Variants in NTM observed in about 807,000 individuals in gnomAD.
NTM encodes the protein neurotrimin.
A neutral mutation model predicts 42.1 loss-of-function variants in NTM; 13 were observed. The observed-to-expected ratio is 0.31, with a 90% confidence interval of 0.20 to 0.49. The LOEUF is 0.49. Ranked by LOEUF, NTM falls within the 20% of genes least tolerant of loss-of-function variation. The pLI, the probability that NTM is intolerant of heterozygous loss-of-function variation, is 0.99. For synonymous variants in NTM, 187 were observed against 179.2 expected (o/e 1.04, Z -0.35); for missense variants, 373 against 452.8 (o/e 0.82, Z 1.60).
chr11:131,598,846 TTTC>T (rs2060161906), intron 1 of NTM, among the ~76,000 whole-genome samples: 1 of 31,126 alleles, frequency 3.2e-5, no homozygotes, highest in African/African-American at 8.1e-5. Context: ...TCTTTCTTTC[TTTC>T]TTCCTTCCTT....
intron 1 of NTM, among the ~76,000 whole-genome samples, chr11:131,825,626 C>T (rs550406851): frequency 5.6e-4 from 85 of 152,154 alleles, no homozygotes; most frequent in Middle Eastern, 3.4e-3. Flanking sequence ...ACAGTTGCAG[C>T]CATTCGGGTG....
chr11:132,275,205 T>G (rs2093658258), intron 4 of NTM, among the ~76,000 whole-genome samples: 1 of 152,126 alleles, frequency 6.6e-6, no homozygotes, highest in South Asian at 2.1e-4. Context: ...TTTCAGTTAT[T>G]TTTTATATGA....
chr11:131,505,982 G>A (rs2047441002), intron 1 of NTM, among the ~76,000 whole-genome samples: 1 of 152,000 alleles, frequency 6.6e-6, no homozygotes, highest in Non-Finnish European at 1.5e-5. Context: ...TGGTGATTCT[G>A]TTTTGACAAT....
intron 3 of NTM, among the ~76,000 whole-genome samples, chr11:132,168,233 C>T (rs979134526): frequency 1.3e-5 from 2 of 152,212 alleles, no homozygotes; most frequent in Non-Finnish European, 2.9e-5. Context: ...CAGATACTAC[C>T]TCTCAGAAAT....
intron 1 of NTM, among the ~76,000 whole-genome samples, chr11:131,446,805 C>G (rs973921208): frequency 2.6e-5 from 4 of 152,206 alleles, no homozygotes; most frequent in Non-Finnish European, 4.4e-5. Context: ...TTATAATGCT[C>G]AGCATACTTG....
chr11:131,851,996 T>A (rs142695272), intron 1 of NTM, among the ~76,000 whole-genome samples: 7 of 152,100 alleles, frequency 4.6e-5, no homozygotes, highest in Non-Finnish European at 1.0e-4. Context: ...GTGCTTGCCA[T>A]GTTGAGGATG....
intron 2 of NTM, among the ~76,000 whole-genome samples, chr11:132,129,216 C>G (rs966981097): frequency 3.3e-5 from 5 of 152,132 alleles, no homozygotes; most frequent in African/African-American, 4.8e-5. Flanking sequence ...GTATCCAAAA[C>G]TGTTTGCATT....
Position 132,165,134 on chromosome 11 carries a change from CTA to C in NTM, c.400+18622_400+18623del, listed in dbSNP as rs368824193. ...ATCTTTATATCCAACACCGGCAAAG[CTA>C]TGTTTGTGGGAACCTAATGGAATCT... is the stretch of plus-strand genomic sequence containing the variant. On this transcript the variant is annotated intron_variant, in intron 3 of 8. Coordinates refer to ENST00000683400, the MANE Select transcript of NTM (RefSeq NM_001352005.2). Among the ~76,000 whole-genome samples the C allele has an allele frequency of 2.5e-3, 381 of 152,254 alleles. 2 individuals carry two copies. Among genetic ancestry groups the C allele is most frequent in the African/African-American group, 8.8e-3 (365 of 41,542 alleles).
chr11:131,460,322 C>T (rs1951263456), intron 1 of NTM, among the ~76,000 whole-genome samples: 1 of 151,898 alleles, frequency 6.6e-6, no homozygotes, highest in Non-Finnish European at 1.5e-5. Flanking sequence ...TTTGAATGGC[C>T]CCAAAGGCCA....
chr11:131,377,241 A>T (rs185133556), intron 1 of NTM, among the ~76,000 whole-genome samples: 1 of 152,240 alleles, frequency 6.6e-6, no homozygotes, highest in Admixed American at 6.5e-5. Flanking sequence ...GTAGAAAAGG[A>T]GCTCATGGAT....
intron 2 of NTM, among the ~76,000 whole-genome samples, chr11:132,032,419 T>G (rs1312854701): frequency 6.6e-6 from 1 of 152,216 alleles, no homozygotes. Context: ...CACACTTCAT[T>G]GTCTCTGACC....
intron 1 of NTM, among the ~76,000 whole-genome samples, chr11:131,719,328 A>T (rs1011374291): frequency 6.6e-6 from 1 of 152,190 alleles, no homozygotes; most frequent in African/African-American, 2.4e-5. Flanking sequence ...GTTCTTGAAT[A>T]TATAAGAAAT....
intron 4 of NTM, among the ~76,000 whole-genome samples, chr11:132,228,571 A>C (rs756748604): frequency 7.2e-5 from 11 of 152,212 alleles, no homozygotes; most frequent in Non-Finnish European, 1.3e-4. Context: ...GGGGAATAGG[A>C]GAGAATAGCT....
intron 1 of NTM, among the ~76,000 whole-genome samples, chr11:131,605,264 T>A (rs1372709899): frequency 6.6e-6 from 1 of 152,248 alleles, no homozygotes; most frequent in East Asian, 1.9e-4. Context: ...GTGGAAGTTT[T>A]GCAATTATTT....
At chr11:132,101,131 C>T (rs2061567440) in intron 2 of NTM, among the ~76,000 whole-genome samples, 1 of 152,150 alleles carries the variant, frequency 6.6e-6, no homozygotes, top group South Asian at 2.1e-4. Context: ...TTCCTGAGGC[C>T]ATTGATCAAT....
chr11:132,133,070 T>C (rs778002834), intron 2 of NTM, among the ~76,000 whole-genome samples: 11 of 152,216 alleles, frequency 7.2e-5, no homozygotes, highest in East Asian at 5.8e-4. Context: ...TTGAAGTAAG[T>C]AGCTAAGTAG....
intron 1 of NTM, among the ~76,000 whole-genome samples, chr11:131,436,023 T>A (rs1292727528): frequency 6.6e-6 from 1 of 152,208 alleles, no homozygotes; most frequent in Non-Finnish European, 1.5e-5. Context: ...TCAAAGGCTT[T>A]TTCTGCATCT....
intron 1 of NTM, among the ~76,000 whole-genome samples, chr11:131,868,396 C>G (rs1301808048): frequency 1.3e-5 from 2 of 152,206 alleles, no homozygotes; most frequent in Non-Finnish European, 2.9e-5. Context: ...ACTGGCCTCC[C>G]TGCCTGTGGG....
At chr11:132,046,044 T>G (rs911770633) in intron 2 of NTM, among the ~76,000 whole-genome samples, 6 of 152,234 alleles carry the variant, frequency 3.9e-5, no homozygotes, top group African/African-American at 1.4e-4. Context: ...CTTCCCCTTT[T>G]AGACTATAAC....
Sources: allele counts gnomAD v4.1 joint callset (sites outside exome capture counted in the v4.1 genomes callset), GRCh38; gene constraint gnomAD v4.1.1; transcripts MANE v1.5; gene names NCBI Gene and HGNC (gene_info 2026-07-23, HGNC 2026-07-21).